CACNA1S: variants seen among roughly 807,000 people sequenced by gnomAD.
The protein encoded by CACNA1S is calcium voltage-gated channel subunit alpha1 S, also known as voltage-dependent L-type calcium channel subunit alpha-1S.
A neutral mutation model predicts 207.4 loss-of-function variants in CACNA1S; 126 were observed. The observed-to-expected ratio is 0.61, with a 90% CI of 0.53 to 0.70. The LOEUF (loss-of-function observed/expected upper bound fraction) is 0.70. Ranked by LOEUF, CACNA1S falls within the 30% of genes least tolerant of loss-of-function variation. The pLI is 0.00. For synonymous variants in CACNA1S, 960 were observed against 932.7 expected (o/e 1.03, Z -0.53); for missense variants, 2,349 against 2,422.8 (o/e 0.97, Z 0.64).
In CACNA1S at chr1:201,077,992, G is replaced by A. The variant is rs141808465; in HGVS notation, c.1506C>T (p.Phe502=). The change falls in exon 11 of 44, where the codon TTC becomes TTT. Residue 502 remains phenylalanine, a synonymous_variant. Coordinates refer to ENST00000362061, the MANE Select transcript of CACNA1S (RefSeq NM_000069.3). ...FMSIFNRFDC[F]VVCSGILEIL... Reference sequence around the variant, plus strand: ...TCTCCAGGATACCGCTACACACCACGAAGCAGTCGAAGCGGTTGAAGATAG... The same window carrying A: ...TCTCCAGGATACCGCTACACACCACAAAGCAGTCGAAGCGGTTGAAGATAG... The A allele has an allele frequency of 1.0e-4, 164 of 1,614,106 alleles. No individual in the cohort carries two copies. The African/African-American group carries it at 2.0e-3, about 20-fold the overall frequency.
intron 9 of CACNA1S, among the ~76,000 whole-genome samples, chr1:201,084,515 G>A (rs1661960041): frequency 6.6e-6 from 1 of 152,166 alleles, no homozygotes; most frequent in Non-Finnish European, 1.5e-5. Context: ...TAAGACAATG[G>A]CGAGAGAGCG....
chr1:201,041,397 C>A (rs1041476217), intron 41 of CACNA1S, 107 bp downstream of exon 41: 22 of 846,992 alleles, frequency 2.6e-5, no homozygotes, highest in Non-Finnish European at 4.2e-5. Flanking sequence ...AACAGGCTCC[C>A]AAGCCAGCCC....
chr1:201,055,623 G>A (rs768483523), intron 28 of CACNA1S, among the ~76,000 whole-genome samples: 4 of 152,208 alleles, frequency 2.6e-5, no homozygotes, highest in Non-Finnish European at 5.9e-5. Flanking sequence ...CCAGTGACAA[G>A]TAGACATGTG....
In CACNA1S at chr1:201,053,293, C is replaced by T. The variant is rs369787862; in HGVS notation, c.3796-19G>A. ...GTAGGGCCTGCAGGGCGGGCGGGAG[C>T]GCCAGTCAGTGTCTTAGGGCTCCAC... On this transcript the variant is annotated intron_variant, in intron 30 of 43. Coordinates refer to ENST00000362061, the MANE Select transcript of CACNA1S (RefSeq NM_000069.3). The surrounding 1 kb of genome is among the most constrained non-coding windows in gnomAD (Gnocchi z 5.1). 9.3e-5 allele frequency: 150 copies of T among 1,611,752 alleles called. No individual in the cohort carries two copies. Among genetic ancestry groups the T allele is most frequent in the Non-Finnish European group, 1.2e-4 (140 of 1,179,298 alleles).
At chr1:201,067,104 C>T (rs1000497441) in intron 19 of CACNA1S, 111 bp from the exon 20 acceptor site, 1 of 740,596 alleles carries the variant, frequency 1.4e-6, no homozygotes, top group Non-Finnish European at 2.5e-6. Context: ...GAGGCAATAG[C>T]CTTCCAGAAA....
chr1:201,040,545 G>T (rs1032997285), intron 42 of CACNA1S, 77 bp downstream of exon 42: 3 of 1,470,992 alleles, frequency 2.0e-6, no homozygotes, highest in East Asian at 4.5e-5. Context: ...GCCTTCCCCT[G>T]CCATGATCCC....
chr1:201,044,445 C>A lies in CACNA1S; in HGVS notation c.4680G>T (p.Arg1560=). The A allele has an allele frequency of 6.2e-7, 1 of 1,612,840 alleles. No individual in the cohort carries two copies. Among genetic ancestry groups the A allele is most frequent in the South Asian group, 1.1e-5 (1 of 91,046 alleles). The change falls in exon 39 of 44, where the codon CGG becomes CGT. Residue 1560 remains arginine, a synonymous_variant. Coordinates refer to ENST00000362061, the MANE Select transcript of CACNA1S (RefSeq NM_000069.3). ...KDIVQIQAGL[R]TIEEEAAPEI... is the part of the protein sequence containing the mutation. Reference sequence around the variant, plus strand: ...CGGGGGCTGCCTCTTCCTCAATGGTCCGCAGCCCTGCCTGGGGATGACGAA... The same window carrying A: ...CGGGGGCTGCCTCTTCCTCAATGGTACGCAGCCCTGCCTGGGGATGACGAA...
At chr1:201,058,550 C>A (rs1380691116) in intron 27 of CACNA1S, 59 bp from the exon 28 acceptor site, 28 of 1,375,658 alleles carry the variant, frequency 2.0e-5, no homozygotes, top group Non-Finnish European at 2.8e-5. Flanking sequence ...GGAGCTCTGG[C>A]TGCTGGCAGA....
chr1:201,103,073 G>A (rs916364426), intron 2 of CACNA1S, among the ~76,000 whole-genome samples: 8 of 152,058 alleles, frequency 5.3e-5, no homozygotes, highest in South Asian at 2.1e-4. Context: ...GTGAAACCCT[G>A]TCTCTACTAA....
intron 3 of CACNA1S, among the ~76,000 whole-genome samples, chr1:201,093,358 C>T (rs988048518): frequency 6.6e-6 from 1 of 152,216 alleles, no homozygotes; most frequent in Admixed American, 6.5e-5. Flanking sequence ...CCAAACCTGC[C>T]AGCATCTTGA....
chr1:201,069,254 A>G, intron 18 of CACNA1S, 58 bp from the exon 19 acceptor site: 1 of 1,415,252 alleles, frequency 7.1e-7, no homozygotes, highest in Non-Finnish European at 1.0e-6. Flanking sequence ...CAACAGTATC[A>G]GCAGCAGCAG....
chr1:201,083,033 A>T, intron 10 of CACNA1S, 129 bp downstream of exon 10: 1 of 1,002,892 alleles, frequency 1.0e-6, no homozygotes, highest in Non-Finnish European at 1.5e-6. Flanking sequence ...CATGGTCCAT[A>T]ATTTTTAGAA....
intron 7 of CACNA1S, among the ~76,000 whole-genome samples, 166 bp from the exon 8 acceptor site, chr1:201,085,747 C>G (rs749811977): frequency 4.6e-5 from 7 of 152,022 alleles, no homozygotes; most frequent in Non-Finnish European, 7.4e-5. Context: ...GGCTGAGAGA[C>G]AGCCCCTCTC....
At position 201,112,252 on chromosome 1, in the gene CACNA1S, C is replaced by G. The variant is rs1663151908; in HGVS notation, c.88G>C (p.Ala30Pro). ...VPEILPRPPRALFCLTLENPL... is the reference protein window; with the variant it reads ...VPEILPRPPRPLFCLTLENPL... Reference sequence around the variant, plus strand: ...TTCTCCAGGGTCAGGCAGAACAAGGCCCGGGGTGGCCTTGGCAGAATCTCA... The same window carrying G: ...TTCTCCAGGGTCAGGCAGAACAAGGGCCGGGGTGGCCTTGGCAGAATCTCA... The change falls in exon 1 of 44, where the codon GCC becomes CCC. Residue 30 changes from alanine (A) to proline (P), a missense_variant. Transcript: ENST00000362061. 6.2e-7 allele frequency: 1 copy of G among 1,613,890 alleles called. No individual in the cohort carries two copies. Among genetic ancestry groups the G allele is most frequent in the Non-Finnish European group, 8.5e-7 (1 of 1,180,000 alleles).
In CACNA1S at chr1:201,062,103, G is replaced by T; in HGVS notation, c.2907-13C>A. 6.2e-7 allele frequency: 1 copy of T among 1,612,672 alleles called. No individual in the cohort carries two copies. The highest frequency in any genetic ancestry group is 8.5e-7 in the Non-Finnish European group (1 of 1,179,452). On this transcript the variant is annotated splice_polypyrimidine_tract_variant and intron_variant, in intron 23 of 43. Coordinates refer to ENST00000362061, the MANE Select transcript of CACNA1S (RefSeq NM_000069.3). ...GTAGTAGTAGCCCCTGTGGCAGGGA[G>T]GCCCAGTCACTCCACAGGGCATGGC...
At chr1:201,090,289 A>C (rs976947422) in intron 5 of CACNA1S, among the ~76,000 whole-genome samples, 27 of 152,316 alleles carry the variant, frequency 1.8e-4, no homozygotes, top group Admixed American at 1.8e-3. Flanking sequence ...TCATGAGAAC[A>C]CCAGTGAGAC....
At chr1:201,075,981 T>A (rs983204099) in intron 12 of CACNA1S, among the ~76,000 whole-genome samples, 1 of 152,102 alleles carries the variant, frequency 6.6e-6, no homozygotes, top group Admixed American at 6.5e-5. Context: ...GGTAGGAGAA[T>A]TGCTTGAACC....
chr1:201,043,875 C>T (rs1660383694), intron 39 of CACNA1S, among the ~76,000 whole-genome samples: 1 of 152,072 alleles, frequency 6.6e-6, no homozygotes, highest in Admixed American at 6.5e-5. Context: ...TATTGGACAT[C>T]TCACATGATC....
At chr1:201,079,010 A>G (rs1040745860) in intron 10 of CACNA1S, among the ~76,000 whole-genome samples, 6 of 151,160 alleles carry the variant, frequency 4.0e-5, no homozygotes, top group Non-Finnish European at 5.9e-5. Context: ...AGTCCCAGCT[A>G]CTCGGGAGGC....
Sources: gnomAD v4.1 joint callset for allele counts (sites outside exome capture counted in the v4.1 genomes callset) on GRCh38, gnomAD v4.1.1 for gene constraint, Gnocchi (gnomAD v3.1) non-coding constraint, MANE v1.5 for transcripts, NCBI Gene and HGNC (gene_info 2026-07-23, HGNC 2026-07-21) for gene names.